The following SHCBP1L variants were observed in gnomAD, a reference collection of about 807,000 sequenced individuals.
SHCBP1L encodes SHC binding and spindle associated 1 like.
In SHCBP1L, 67 loss-of-function variants were observed where a neutral mutation model predicts 62.5. The observed-to-expected ratio is 1.07, with a 90% CI of 0.88 to 1.31. SHCBP1L has a LOEUF of 1.31. SHCBP1L is among the 40% of genes most tolerant of loss of function. SHCBP1L has a pLI of 0.00. For synonymous variants in SHCBP1L, 284 were observed against 289.4 expected, an observed-to-expected ratio of 0.98 and a Z score of 0.19; for missense variants, 823 against 809.8, an observed-to-expected ratio of 1.02 and a Z score of -0.20.
chr1:182,900,761 G>T (rs1261268847), intron 9 of SHCBP1L, among the ~76,000 whole-genome samples: 1 of 152,140 alleles, frequency 6.6e-6, no homozygotes, highest in African/African-American at 2.4e-5. Context: ...GCCAGGTGCG[G>T]TGGCTCATGC....
rs1650414770 is a variant in SHCBP1L at position 182,918,155 on chromosome 1, C to CACATATATATACACACATATAT, written c.1182+11470_1182+11491dup. 4.0e-5 allele frequency among the ~76,000 whole-genome samples: 5 copies of CACATATATATACACACATATAT among 126,108 alleles called. No homozygotes were observed. In the South Asian group the frequency reaches 1.5e-3, roughly 37 times the overall value. The allele number at this position is 126,108 out of a possible 152,430, so 82.7% of individuals were successfully genotyped here. ...GTGTATATATATACACATATATATA[C>CACATATATATACACACATATAT]ACATATATATACACACATATATACA... On this transcript the variant is annotated intron_variant, in intron 6 of 9. Coordinates refer to ENST00000367547, the MANE Select transcript of SHCBP1L (RefSeq NM_030933.4).
chr1:182,922,934 A>G (rs1399177128), intron 6 of SHCBP1L, among the ~76,000 whole-genome samples: 2 of 152,174 alleles, frequency 1.3e-5, no homozygotes, highest in Non-Finnish European at 2.9e-5. Context: ...GATGTGAAAA[A>G]CCATACAAAA....
At chr1:182,920,828 A>G (rs897895931) in intron 6 of SHCBP1L, among the ~76,000 whole-genome samples, 2 of 152,174 alleles carry the variant, frequency 1.3e-5, no homozygotes, top group South Asian at 4.1e-4. Context: ...TCCAACAAAA[A>G]TAAAGAAAAA....
chr1:182,933,425 A>G (rs956266311), intron 5 of SHCBP1L, among the ~76,000 whole-genome samples: 2 of 152,088 alleles, frequency 1.3e-5, no homozygotes, highest in Non-Finnish European at 2.9e-5. Context: ...TTGTAGGGGG[A>G]AAAACATCTC....
chr1:182,904,567 G>A, intron 7 of SHCBP1L, 137 bp from the exon 8 acceptor site: 1 of 911,586 alleles, frequency 1.1e-6, no homozygotes. Context: ...GTGTGTGTGT[G>A]TGTGTGTGTG....
intron 2 of SHCBP1L, among the ~76,000 whole-genome samples, chr1:182,944,650 A>G (rs960384231): frequency 6.6e-6 from 1 of 152,112 alleles, no homozygotes; most frequent in Admixed American, 6.5e-5. Context: ...ATATGCTTAT[A>G]TTGCTACTTA....
At chr1:182,947,671 G>A (rs1279178464) in intron 2 of SHCBP1L, among the ~76,000 whole-genome samples, 2 of 152,202 alleles carry the variant, frequency 1.3e-5, no homozygotes, top group Admixed American at 6.5e-5. Flanking sequence ...CAGAAATGAA[G>A]ATCTTTATGA....
intron 5 of SHCBP1L, among the ~76,000 whole-genome samples, chr1:182,933,565 A>C (rs1651076104): frequency 6.6e-6 from 1 of 152,048 alleles, no homozygotes; most frequent in African/African-American, 2.4e-5. Flanking sequence ...TTAATTTGTC[A>C]TATGATTTTT....
At position 182,900,190 on chromosome 1, in the gene SHCBP1L, A is replaced by G. The variant is rs1243111327; in HGVS notation, c.1755T>C (p.Tyr585=). The change falls in exon 10 of 10, where the codon TAT becomes TAC. Residue 585 remains tyrosine, a synonymous_variant. Coordinates refer to ENST00000367547, the MANE Select transcript of SHCBP1L (RefSeq NM_030933.4). ...TGCTTACTCCATAGCCTTTGTTGCT[A>G]TAAATATGATTATTAGTCATCTTCA... is the stretch of plus-strand genomic sequence containing the variant. The part of the protein sequence containing the change: ...PKLKMTNNHI[Y]SNKGYGVSIL... 1.9e-6 allele frequency: 3 copies of G among 1,603,566 alleles called. No individual in the cohort carries two copies. The highest frequency in any genetic ancestry group is 1.7e-5 in the Admixed American group (1 of 58,320).
chr1:182,951,471 A>C lies in SHCBP1L; in HGVS notation c.406-4T>G, dbSNP rs767748485. The C allele has an allele frequency of 6.4e-7, 1 of 1,552,134 alleles. No homozygotes were observed. On this transcript the variant is annotated splice_polypyrimidine_tract_variant and splice_region_variant and intron_variant, in intron 1 of 9. Transcript: ENST00000367547. ...TAACTTCATCAGCATCTTCTGCCTA[A>C]CAAGAGAAAAAATGGATCTACATAT...
At chr1:182,935,040 TTCTA>T (rs529988740) in intron 5 of SHCBP1L, among the ~76,000 whole-genome samples, 2 of 152,140 alleles carry the variant, frequency 1.3e-5, no homozygotes, top group Non-Finnish European at 2.9e-5. Flanking sequence ...CCTTTCACTG[TTCTA>T]TCTGTCTCTT....
intron 6 of SHCBP1L, among the ~76,000 whole-genome samples, chr1:182,923,662 GA>G (rs1220685458): frequency 2.0e-5 from 3 of 152,286 alleles, no homozygotes; most frequent in Admixed American, 2.0e-4. Flanking sequence ...AACAGATGCT[GA>G]AAAGGCTTTC....
At chr1:182,928,716 C>T (rs962226276) in intron 6 of SHCBP1L, among the ~76,000 whole-genome samples, 2 of 152,062 alleles carry the variant, frequency 1.3e-5, no homozygotes, top group Admixed American at 1.3e-4. Flanking sequence ...AAACAGAGAA[C>T]TCCAGAATGA....
chr1:182,924,910 AAAG>A (rs1286757568), intron 6 of SHCBP1L, among the ~76,000 whole-genome samples: 5 of 108,988 alleles, frequency 4.6e-5, no homozygotes, highest in African/African-American at 1.9e-4. Flanking sequence ...AGAGAGAAAG[AAAG>A]GAAAGGAAGG....
At chr1:182,924,772 G>GAAAGAAAGAAAGAAAGA (rs1650648627) in intron 6 of SHCBP1L, among the ~76,000 whole-genome samples, 3 of 92,916 alleles carry the variant, frequency 3.2e-5, no homozygotes, top group Admixed American at 1.2e-4. Context: ...AAGAAAGAAA[G>GAAAGAAAGAAAGAAAGA]AAAGAAAGAA....
intron 6 of SHCBP1L, among the ~76,000 whole-genome samples, chr1:182,925,571 GT>G (rs1339654784): frequency 6.6e-6 from 1 of 152,116 alleles, no homozygotes; most frequent in Non-Finnish European, 1.5e-5. Flanking sequence ...AAAGATAAAA[GT>G]TTTGGTGAGG....
At position 182,907,929 on chromosome 1, in the gene SHCBP1L, A is replaced by G. The variant is rs188897962; in HGVS notation, c.1183-2280T>C. 4.5e-3 allele frequency among the ~76,000 whole-genome samples: 679 copies of G among 152,360 alleles called. 3 individuals carry two copies. The highest frequency in any genetic ancestry group is 0.015 in the African/African-American group (609 of 41,590). On this transcript the variant is annotated intron_variant, in intron 6 of 9. Transcript: ENST00000367547. The stretch of plus-strand genomic sequence containing the variant: ...GTTATAAAAACATGGAAAAGAAAGC[A>G]TAACAAAAATTGAAAAATTAACTTG...
intron 5 of SHCBP1L, among the ~76,000 whole-genome samples, chr1:182,930,547 GTGTGTATATATATATATATATATA>G (rs1315488951): frequency 9.7e-5 from 9 of 92,832 alleles, no homozygotes; most frequent in South Asian, 4.3e-4. Context: ...GCTTTAGTGT[GTGTGTATATATATATATATATATA>G]TATATATATA....
At chr1:182,912,345 A>G (rs1436257456) in intron 6 of SHCBP1L, among the ~76,000 whole-genome samples, 2 of 152,180 alleles carry the variant, frequency 1.3e-5, no homozygotes, top group East Asian at 3.9e-4. Context: ...TTTGAGGCCA[A>G]TCATGTTTTA....
Sources: gnomAD v4.1 joint callset for allele counts (sites outside exome capture counted in the v4.1 genomes callset) on GRCh38, gnomAD v4.1.1 for gene constraint, MANE v1.5 for transcripts, NCBI Gene and HGNC (gene_info 2026-07-23, HGNC 2026-07-21) for gene names.